Variants in STK3 observed in about 807,000 individuals in gnomAD.
STK3 encodes the protein serine/threonine-protein kinase 3.
STK3 carries 41 observed loss-of-function variants against 58.0 expected under a neutral mutation model. That is an observed-to-expected ratio of 0.71 (90% confidence interval 0.55 to 0.92). The LOEUF (loss-of-function observed/expected upper bound fraction) is 0.92, where lower values mean the gene tolerates loss of function less well. Among genes scored for constraint, STK3 ranks in the 40% least tolerant of loss-of-function variants. The pLI is 0.00. For synonymous variants in STK3, 170 were observed against 191.0 expected (o/e 0.89, Z 0.91); for missense variants, 479 against 602.7 (o/e 0.79, Z 2.15).
At chr8:98,584,142 C>T (rs1262247934) in intron 7 of STK3, among the ~76,000 whole-genome samples, 2 of 151,044 alleles carry the variant, frequency 1.3e-5, no homozygotes, top group African/African-American at 4.9e-5. Flanking sequence ...TACATGTGCA[C>T]ATTGTGCAGG....
the STK3 span, among the ~76,000 whole-genome samples, chr8:98,351,392 A>G: frequency 6.6e-6 from 1 of 152,300 alleles, no homozygotes; most frequent in African/African-American, 2.4e-5. Context: ...AACACTTTTA[A>G]AATGTTTTTG....
chr8:98,878,972 C>T (rs1313852408), downstream of STK3: 1 of 139,128 alleles, frequency 7.2e-6, no homozygotes, highest in Non-Finnish European at 1.5e-5. Context: ...GATTTCTGCT[C>T]ACTGCAACCT....
chr8:98,347,118 G>C, the STK3 span, among the ~76,000 whole-genome samples: 1 of 151,854 alleles, frequency 6.6e-6, no homozygotes, highest in Admixed American at 6.6e-5. Flanking sequence ...AATGTAAAAT[G>C]TTAGAGATGT....
At chr8:98,722,474 G>A (rs1827502942) in intron 4 of STK3, among the ~76,000 whole-genome samples, 2 of 152,124 alleles carry the variant, frequency 1.3e-5, no homozygotes, top group African/African-American at 4.8e-5. Flanking sequence ...ATACTTAGTG[G>A]ACACCATACA....
In STK3 at chr8:98,548,082, A is replaced by G. The variant is rs771509402; in HGVS notation, c.1028T>C (p.Met343Thr). The change falls in exon 9 of 11, where the codon ATG becomes ACG. Residue 343 changes from methionine to threonine, a missense_variant. Transcript: ENST00000419617. The part of the protein sequence containing the change: ...SVGTMRATST[M>T]SEGAQTMIEH... ...AATCATGGTCTGGGCCCCTTCACTCATCGTGCTTGTGGCCCGCATGGTGCC... is the reference window on the plus strand; with the variant it reads ...AATCATGGTCTGGGCCCCTTCACTCGTCGTGCTTGTGGCCCGCATGGTGCC... The G allele has an allele frequency of 5.0e-6, 8 of 1,609,058 alleles. No individual in the cohort carries two copies. In the African/African-American group the frequency reaches 9.4e-5, roughly 19 times the overall value.
intron 3 of STK3, among the ~76,000 whole-genome samples, chr8:98,837,165 A>G (rs773682341): frequency 1.1e-4 from 16 of 152,284 alleles, no homozygotes; most frequent in Admixed American, 3.3e-4. Context: ...CTTTATATAA[A>G]CACAATAACT....
chr8:98,738,733 T>C (rs949157495), intron 4 of STK3, among the ~76,000 whole-genome samples: 1 of 152,144 alleles, frequency 6.6e-6, no homozygotes, highest in Non-Finnish European at 1.5e-5. Context: ...TGCCAGACAG[T>C]GGGCGCAGGA....
intron 1 of STK3, among the ~76,000 whole-genome samples, chr8:98,897,329 G>A (rs1247444294): frequency 2.0e-5 from 3 of 152,160 alleles, no homozygotes; most frequent in African/African-American, 4.8e-5. Context: ...AGGTGGAGGC[G>A]GGCGGATCAC....
At chr8:98,751,249 G>A (rs1034545841) in intron 3 of STK3, among the ~76,000 whole-genome samples, 3 of 152,128 alleles carry the variant, frequency 2.0e-5, no homozygotes, top group Admixed American at 6.5e-5. Context: ...TGGAAGTCCT[G>A]GCAAGGGCAA....
chr8:98,448,739 A>G (rs1819062731), intron 1 of STK3, among the ~76,000 whole-genome samples: 1 of 152,206 alleles, frequency 6.6e-6, no homozygotes, highest in Non-Finnish European at 1.5e-5. Flanking sequence ...GTGCTCTCTC[A>G]TAAAATGACA....
chr8:98,668,517 A>C (rs180946151), intron 6 of STK3, among the ~76,000 whole-genome samples: 71 of 152,314 alleles, frequency 4.7e-4, no homozygotes, highest in Non-Finnish European at 5.6e-4. Context: ...AAAAAAGCTT[A>C]AAGTTTCAGT....
intron 1 of STK3, among the ~76,000 whole-genome samples, chr8:98,796,646 AG>A (rs1833182621): frequency 6.6e-6 from 1 of 152,252 alleles, no homozygotes; most frequent in African/African-American, 2.4e-5. Context: ...GTGCAGCAAA[AG>A]AAACTCTCAA....
At chr8:98,665,051 A>G (rs189850408) in intron 6 of STK3, among the ~76,000 whole-genome samples, 49 of 152,344 alleles carry the variant, frequency 3.2e-4, no homozygotes, top group Non-Finnish European at 5.9e-4. Flanking sequence ...GGTACTCAGC[A>G]CTAAGAAGGC....
At chr8:98,724,257 A>G (rs1392869826) in intron 4 of STK3, among the ~76,000 whole-genome samples, 1 of 152,172 alleles carries the variant, frequency 6.6e-6, no homozygotes, top group African/African-American at 2.4e-5. Flanking sequence ...AAGGCCTTGA[A>G]TGATACAATT....
chr8:98,605,433 CTT>C (rs1008693603), intron 6 of STK3, among the ~76,000 whole-genome samples: 26 of 132,844 alleles, frequency 2.0e-4, no homozygotes, highest in Non-Finnish European at 1.8e-4. Flanking sequence ...GCAAGCACAC[CTT>C]TTTTTTTTTT....
At chr8:98,363,312 G>A in the STK3 span, among the ~76,000 whole-genome samples, 1 of 152,140 alleles carries the variant, frequency 6.6e-6, no homozygotes, top group Admixed American at 6.5e-5. Context: ...AAACATATGA[G>A]GCTAAATGCT....
chr8:98,682,843 A>G (rs1226626610), intron 6 of STK3, among the ~76,000 whole-genome samples: 4 of 152,098 alleles, frequency 2.6e-5, no homozygotes, highest in African/African-American at 4.8e-5. Context: ...TAGAGTAAAT[A>G]CCTGCCCTCA....
intron 3 of STK3, among the ~76,000 whole-genome samples, chr8:98,830,995 A>AAG (rs1469924118): frequency 2.6e-5 from 4 of 151,258 alleles, no homozygotes; most frequent in Non-Finnish European, 5.9e-5. Context: ...AAAAAAAGGA[A>AAG]AGTAAGGTAA....
chr8:98,775,839 C>G (rs761962013), intron 1 of STK3, among the ~76,000 whole-genome samples: 2 of 152,044 alleles, frequency 1.3e-5, no homozygotes, highest in Non-Finnish European at 2.9e-5. Flanking sequence ...AATCTGTCAG[C>G]ACGGCAGAGA....
Sources: gnomAD v4.1 joint callset for allele counts (sites outside exome capture counted in the v4.1 genomes callset) on GRCh38, gnomAD v4.1.1 for gene constraint, MANE v1.5 for transcripts, NCBI Gene and HGNC (gene_info 2026-07-23, HGNC 2026-07-21) for gene names.